Variants in EEFSEC observed in about 807,000 individuals in gnomAD.
EEFSEC encodes the protein eukaryotic elongation factor, selenocysteine-tRNA specific, also known as selenocysteine-specific elongation factor.
In EEFSEC, 43 loss-of-function variants were observed where a neutral mutation model predicts 42.1. That is an observed-to-expected ratio of 1.02 (90% CI 0.80 to 1.32). The LOEUF is 1.32. Ranked by LOEUF, EEFSEC falls within the 40% of genes most tolerant of loss-of-function variation. The pLI, the probability that EEFSEC is intolerant of heterozygous loss-of-function variation, is 0.00. For missense variants in EEFSEC, 745 were observed against 803.6 expected, an observed-to-expected ratio of 0.93 and a Z score of 0.88; for synonymous variants, 354 against 339.1, an observed-to-expected ratio of 1.04 and a Z score of -0.48.
intron 4 of EEFSEC, among the ~76,000 whole-genome samples, chr3:128,339,770 T>C (rs1474722340): frequency 6.6e-6 from 1 of 152,180 alleles, no homozygotes; most frequent in East Asian, 1.9e-4. Context: ...GTAATTTATT[T>C]TTTAAAAAAA....
intron 4 of EEFSEC, among the ~76,000 whole-genome samples, chr3:128,276,180 A>G (rs1379312464): frequency 1.3e-5 from 2 of 152,170 alleles, no homozygotes; most frequent in African/African-American, 4.8e-5. Context: ...TCTGCCCTTG[A>G]CAGTGGAAGT....
At chr3:128,161,157 G>A (rs561810687) in intron 1 of EEFSEC, among the ~76,000 whole-genome samples, 3 of 152,074 alleles carry the variant, frequency 2.0e-5, no homozygotes, top group East Asian at 1.9e-4. Context: ...AAGTGTACCC[G>A]TCCATTCCAG....
At chr3:128,167,316 C>T (rs998109288) in intron 1 of EEFSEC, among the ~76,000 whole-genome samples, 5 of 152,180 alleles carry the variant, frequency 3.3e-5, no homozygotes, top group African/African-American at 9.7e-5. Flanking sequence ...TGTTAGCATT[C>T]AACTGTATGT....
At chr3:128,286,597 TC>T (rs1369551788) in intron 4 of EEFSEC, among the ~76,000 whole-genome samples, 1 of 152,184 alleles carries the variant, frequency 6.6e-6, no homozygotes, top group Admixed American at 6.5e-5. Context: ...ACATGGCCCA[TC>T]CTTTTGTTTT....
At chr3:128,330,057 G>T (rs753581613) in intron 4 of EEFSEC, among the ~76,000 whole-genome samples, 3 of 152,202 alleles carry the variant, frequency 2.0e-5, no homozygotes, top group Non-Finnish European at 2.9e-5. Context: ...AAAGCCCAGG[G>T]ATGTCATTAA....
At chr3:128,245,082 G>A (rs1485550445) in intron 1 of EEFSEC, among the ~76,000 whole-genome samples, 6 of 152,120 alleles carry the variant, frequency 3.9e-5, no homozygotes, top group Admixed American at 3.3e-4. Flanking sequence ...GTTAACCCCC[G>A]ACCCCCGCTC....
chr3:128,386,023 T>C (rs1270904331), intron 6 of EEFSEC, among the ~76,000 whole-genome samples: 2 of 152,242 alleles, frequency 1.3e-5, no homozygotes, highest in African/African-American at 2.4e-5. Context: ...TTTTAACAGG[T>C]ACTCTATTTA....
At chr3:128,157,623 G>A (rs1020850299) in intron 1 of EEFSEC, among the ~76,000 whole-genome samples, 4 of 152,162 alleles carry the variant, frequency 2.6e-5, no homozygotes, top group Admixed American at 1.3e-4. Context: ...ATGGCACAAC[G>A]CAGCCTGGAT....
chr3:128,243,957 C>T (rs989076437), intron 1 of EEFSEC, among the ~76,000 whole-genome samples: 2 of 152,172 alleles, frequency 1.3e-5, no homozygotes, highest in African/African-American at 4.8e-5. Context: ...AAATTAGGGG[C>T]TAGGTAGTGG....
chr3:128,247,115 A>G, intron 2 of EEFSEC, 72 bp downstream of exon 2: 2 of 1,505,226 alleles, frequency 1.3e-6, no homozygotes, highest in Middle Eastern at 1.7e-4. Flanking sequence ...CATTTCACAA[A>G]CATGAATTGG....
Position 128,153,567 on chromosome 3 carries a change from G to T in EEFSEC, c.60G>T (p.Lys20Asn). Reference protein sequence around the residue: ...VGVLGHIDSGKTALARALSTT... With the variant: ...VGVLGHIDSGNTALARALSTT... ...TGCTGGGCCACATCGACAGCGGCAA[G>T]ACGGCGCTGGCGCGGGCGCTAAGCA... Residue 20 changes from lysine to asparagine, a missense_variant, in exon 1 of 7, where the codon AAG becomes AAT. Lys to Asn is a moderately conservative substitution (Grantham distance 94). Transcript: ENST00000254730. 6.5e-7 allele frequency: 1 copy of T among 1,540,302 alleles called. No homozygotes were observed.
chr3:128,348,699 A>G (rs2067346071), intron 5 of EEFSEC, among the ~76,000 whole-genome samples: 1 of 152,180 alleles, frequency 6.6e-6, no homozygotes, highest in South Asian at 2.1e-4. Flanking sequence ...AAAGAAATAT[A>G]TTAGGTAAAT....
At chr3:128,200,347 G>A (rs993064866) in intron 1 of EEFSEC, among the ~76,000 whole-genome samples, 5 of 151,950 alleles carry the variant, frequency 3.3e-5, no homozygotes, top group African/African-American at 1.2e-4. Flanking sequence ...GGAGTGCAAT[G>A]GCGCGATCTT....
At chr3:128,345,433 A>G (rs1264288233) in intron 5 of EEFSEC, among the ~76,000 whole-genome samples, 1 of 152,210 alleles carries the variant, frequency 6.6e-6, no homozygotes, top group African/African-American at 2.4e-5. Flanking sequence ...GTGGTTATCC[A>G]GCGCAGGGGC....
At chr3:128,397,524 G>C (rs2067995533) in intron 6 of EEFSEC, among the ~76,000 whole-genome samples, 1 of 152,220 alleles carries the variant, frequency 6.6e-6, no homozygotes, top group South Asian at 2.1e-4. Context: ...CAGCAGAGGG[G>C]ACCTCTGGCC....
intron 1 of EEFSEC, among the ~76,000 whole-genome samples, chr3:128,189,558 CT>C (rs3037702): frequency 0.018 from 2,502 of 137,082 alleles, 32 homozygotes; most frequent in Middle Eastern, 0.04. Flanking sequence ...GACTTCTTTT[CT>C]TTTTTTTTTT....
chr3:128,168,305 A>G (rs942656321), intron 1 of EEFSEC, among the ~76,000 whole-genome samples: 6 of 152,194 alleles, frequency 3.9e-5, no homozygotes, highest in African/African-American at 1.4e-4. Context: ...TGTTGACTAC[A>G]TGACAAAAAG....
At chr3:128,175,145 G>A (rs564628950) in intron 1 of EEFSEC, among the ~76,000 whole-genome samples, 7 of 100,752 alleles carry the variant, frequency 6.9e-5, no homozygotes, top group African/African-American at 1.2e-4. Context: ...GCCTCCCCCC[G>A]CTCCTCCTTC....
intron 4 of EEFSEC, among the ~76,000 whole-genome samples, chr3:128,334,924 G>A (rs994096451): frequency 1.3e-5 from 2 of 152,188 alleles, no homozygotes; most frequent in Admixed American, 6.5e-5. Flanking sequence ...TTCTCACTGC[G>A]TACCCCGCCT....
Sources: allele counts gnomAD v4.1 joint callset (sites outside exome capture counted in the v4.1 genomes callset), GRCh38; gene constraint gnomAD v4.1.1; transcripts MANE v1.5; gene names NCBI Gene and HGNC (gene_info 2026-07-23, HGNC 2026-07-21).